The following UCHL5 variants were observed in gnomAD, a reference collection of about 807,000 sequenced individuals.
UCHL5 encodes the protein ubiquitin C-terminal hydrolase L5, also known as ubiquitin carboxyl-terminal hydrolase isozyme L5.
In UCHL5, 34 loss-of-function variants were observed where a neutral mutation model predicts 53.8. The ratio of observed to expected loss-of-function variants is 0.63; its 90% CI spans 0.48 to 0.84. The LOEUF is 0.84. Among genes scored for constraint, UCHL5 ranks in the 40% least tolerant of loss-of-function variants. UCHL5 has a pLI of 0.00. For missense variants in UCHL5, 290 were observed against 385.6 expected (o/e 0.75, Z 2.08); for synonymous variants, 111 against 126.3 (o/e 0.88, Z 0.81).
chr1:193,020,684 T>C (rs184640568), intron 10 of UCHL5, among the ~76,000 whole-genome samples: 73 of 152,092 alleles, frequency 4.8e-4, no homozygotes, highest in Non-Finnish European at 8.7e-4. Flanking sequence ...AGAAAACCTA[T>C]TTCGTAGTAC....
chr1:193,039,402 A>G (rs896953631), intron 3 of UCHL5, among the ~76,000 whole-genome samples: 16 of 152,048 alleles, frequency 1.1e-4, no homozygotes, highest in African/African-American at 3.9e-4. Flanking sequence ...TAGTGAGACT[A>G]TGTCTCAAAA....
At position 193,020,978 on chromosome 1, in the gene UCHL5, G is replaced by T. The variant is rs948562380; in HGVS notation, c.942+119C>A. On this transcript the variant is annotated intron_variant, in intron 10 of 10. Coordinates refer to ENST00000367454, the MANE Select transcript of UCHL5 (RefSeq NM_001199261.3). ...TAGAAAACAAGAGGCAAAAGCAAAAGAATAAAAACGTACAAGCTTCCAAAA... is the reference window on the plus strand; with the variant it reads ...TAGAAAACAAGAGGCAAAAGCAAAATAATAAAAACGTACAAGCTTCCAAAA... 31 of 691,742 alleles carry T rather than the reference G, an allele frequency of 4.5e-5. No homozygotes were observed. In the African/African-American group the frequency reaches 4.8e-4, roughly 11 times the overall value. 42.9% of individuals were successfully genotyped at this position (691,742 alleles called of 1,614,324 possible).
chr1:193,054,767 G>A (rs1013904170), intron 1 of UCHL5, among the ~76,000 whole-genome samples: 3 of 152,126 alleles, frequency 2.0e-5, no homozygotes, highest in African/African-American at 7.2e-5. Context: ...AGTCATAATA[G>A]ACCTTCATGT....
At chr1:193,036,317 C>CAAAAAGAAAAA (rs1663405758) in intron 3 of UCHL5, among the ~76,000 whole-genome samples, 1 of 50,796 alleles carries the variant, frequency 2.0e-5, no homozygotes, top group Non-Finnish European at 3.4e-5. Flanking sequence ...AACTGGAAAC[C>CAAAAAGAAAAA]AAAAAAAAAA....
intron 7 of UCHL5, among the ~76,000 whole-genome samples, chr1:193,026,347 G>T (rs545355595): frequency 6.6e-6 from 1 of 152,202 alleles, no homozygotes; most frequent in South Asian, 2.1e-4. Context: ...ACCATTTTGG[G>T]AGTACAAGTG....
chr1:193,030,912 G>T (rs1661132860), intron 3 of UCHL5, among the ~76,000 whole-genome samples: 1 of 152,040 alleles, frequency 6.6e-6, no homozygotes, highest in African/African-American at 2.4e-5. Flanking sequence ...CTCCATTACA[G>T]AATAGTCTCG....
At chr1:193,018,648 A>G (rs1655729234) in intron 10 of UCHL5, 4 of 1,258,880 alleles carry the variant, frequency 3.2e-6, no homozygotes, top group Non-Finnish European at 4.0e-6. Flanking sequence ...AAATAAAAAG[A>G]TTTTAGGTCA....
chr1:193,018,609 G>C lies in UCHL5; in HGVS notation c.943-2214C>G, dbSNP rs1203365036. The C allele has an allele frequency of 4.9e-5, 61 of 1,246,692 alleles. 1 individual carries two copies. In the East Asian group the frequency reaches 1.8e-3, roughly 37 times the overall value. 77.2% of individuals were successfully genotyped at this position (1,246,692 alleles called of 1,614,324 possible). A position where few individuals can be genotyped will look rare whatever the true frequency, so the allele number is the denominator to read the frequency against. ...CCAAGTTCATTATAGCCATGCCGAG[G>C]GAGAATCACTTTTTATTTATTATTT... On this transcript the variant is annotated intron_variant, in intron 10 of 10. Transcript: ENST00000367454.
intron 10 of UCHL5, among the ~76,000 whole-genome samples, chr1:193,019,379 A>G (rs563181216): frequency 6.6e-6 from 1 of 151,848 alleles, no homozygotes; most frequent in Admixed American, 6.6e-5. Context: ...CCTCGCAGCT[A>G]GATAAATGTT....
At chr1:193,058,389 G>A (rs192570806) in intron 1 of UCHL5, among the ~76,000 whole-genome samples, 1 of 152,296 alleles carries the variant, frequency 6.6e-6, no homozygotes, top group African/African-American at 2.4e-5. Context: ...TTTTAACATC[G>A]TAGAGTCAAT....
At position 193,016,393 on chromosome 1, in the gene UCHL5, T is replaced by A. The variant is rs1654911189; in HGVS notation, c.945A>T (p.Ala315=). The change falls in exon 11 of 11, where the codon GCA becomes GCT. Residue 315 remains alanine (A), a splice_region_variant and synonymous_variant. Coordinates refer to ENST00000367454, the MANE Select transcript of UCHL5 (RefSeq NM_001199261.3). ...CTTTCTTTGCGTTCTGTTTTTCTTT[T>A]GCCTAAAAATTAAAAATAGTATGTT... ...HQQLIPLVEK[A]KEKQNAKKAQ... The A allele has an allele frequency of 1.2e-6, 2 of 1,605,912 alleles. No individual in the cohort carries two copies. Among genetic ancestry groups the A allele is most frequent in the Non-Finnish European group, 1.7e-6 (2 of 1,177,304 alleles).
intron 1 of UCHL5, among the ~76,000 whole-genome samples, chr1:193,052,625 C>G (rs1370310943): frequency 6.6e-6 from 1 of 152,142 alleles, no homozygotes; most frequent in Non-Finnish European, 1.5e-5. Context: ...ATGCTGGCTC[C>G]TACATTTACT....
intron 3 of UCHL5, among the ~76,000 whole-genome samples, chr1:193,037,865 A>G (rs1184804109): frequency 6.7e-6 from 1 of 149,802 alleles, no homozygotes. Context: ...CACGTTGTGC[A>G]CATGTACCCT....
intron 1 of UCHL5, among the ~76,000 whole-genome samples, chr1:193,053,868 T>C (rs1472782476): frequency 6.6e-6 from 1 of 152,150 alleles, no homozygotes; most frequent in Non-Finnish European, 1.5e-5. Flanking sequence ...TAATAAACTA[T>C]TGTCACAATA....
At chr1:193,027,741 T>G in intron 7 of UCHL5, 1 of 356,456 alleles carries the variant, frequency 2.8e-6, no homozygotes, top group South Asian at 2.4e-5. Flanking sequence ...TCTGCATGTT[T>G]AACTTCTCTA....
At chr1:193,060,014 C>CT, upstream of UCHL5, 1 of 1,358,830 alleles carries the variant, frequency 7.4e-7, no homozygotes, top group Non-Finnish European at 9.8e-7. Context: ...AGGGTGGGCC[C>CT]TTTCCGAAGC....
At chr1:193,026,708 AAT>A (rs1659384326) in intron 7 of UCHL5, among the ~76,000 whole-genome samples, 1 of 152,116 alleles carries the variant, frequency 6.6e-6, no homozygotes. Context: ...AAAAAAAAAA[AAT>A]ATCCATTTAC....
intron 8 of UCHL5, among the ~76,000 whole-genome samples, chr1:193,023,259 C>T (rs1182845524): frequency 2.0e-5 from 3 of 152,102 alleles, no homozygotes; most frequent in East Asian, 3.9e-4. Context: ...AAACAACCTA[C>T]GCTGTAATAT....
chr1:193,059,204 G>A lies in UCHL5; in HGVS notation c.57C>T (p.Thr19=), dbSNP rs1417266566. Reference sequence around the variant, plus strand: ...TCTCACCGAATCCTTTAATGAGCTCGGTGAAGACCCCGGGGTCGCTTTCCA... The same window carrying A: ...TCTCACCGAATCCTTTAATGAGCTCAGTGAAGACCCCGGGGTCGCTTTCCA... ...CLMESDPGVF[T]ELIKGFGCRG... is the part of the protein sequence containing the mutation. Residue 19 remains threonine (T), a synonymous_variant, in exon 1 of 11, where the codon ACC becomes ACT. Coordinates refer to ENST00000367454, the MANE Select transcript of UCHL5 (RefSeq NM_001199261.3). The surrounding 1 kb of genome is among the most constrained non-coding windows in gnomAD (Gnocchi z 4.9). 6.2e-7 allele frequency: 1 copy of A among 1,613,758 alleles called. No homozygotes were observed. Among genetic ancestry groups the A allele is most frequent in the Admixed American group, 1.7e-5 (1 of 59,978 alleles).
Sources: gnomAD v4.1 joint callset for allele counts (sites outside exome capture counted in the v4.1 genomes callset) on GRCh38, gnomAD v4.1.1 for gene constraint, Gnocchi (gnomAD v3.1) non-coding constraint, MANE v1.5 for transcripts, NCBI Gene and HGNC (gene_info 2026-07-23, HGNC 2026-07-21) for gene names.